RGS6: variants seen among roughly 807,000 people sequenced by gnomAD.
RGS6 encodes the protein regulator of G protein signaling 6, also known as regulator of G-protein signaling 6.
Under a neutral mutation model 78.5 loss-of-function variants are expected in RGS6, and 30 were observed. The observed-to-expected ratio is 0.38, with a 90% CI of 0.29 to 0.52. The LOEUF (loss-of-function observed/expected upper bound fraction) is 0.52. Among genes scored for constraint, RGS6 ranks in the 20% least tolerant of loss-of-function variants. The probability of loss-of-function intolerance (pLI) is 0.85; values close to 1 mark genes in which losing one functional copy is unlikely to be tolerated. For missense variants in RGS6, 495 were observed against 609.7 expected, an observed-to-expected ratio of 0.81 and a Z score of 1.98; for synonymous variants, 206 against 206.0, an observed-to-expected ratio of 1.00 and a Z score of 0.00.
intron 2 of RGS6, among the ~76,000 whole-genome samples, chr14:72,034,264 C>T (rs2098028): frequency 0.64 from 96,951 of 151,864 alleles, 31,274 homozygotes; most frequent in East Asian, 0.75. Flanking sequence ...AAAGGAAAAG[C>T]TTTCAGTTTT....
At chr14:72,415,061 C>T (rs963384078) in intron 3 of RGS6, among the ~76,000 whole-genome samples, 1 of 152,232 alleles carries the variant, frequency 6.6e-6, no homozygotes, top group African/African-American at 2.4e-5. Flanking sequence ...CTGCTCTCTT[C>T]AAAGCTGTCA....
intron 3 of RGS6, among the ~76,000 whole-genome samples, chr14:72,447,739 G>C (rs867529188): frequency 6.6e-6 from 1 of 152,170 alleles, no homozygotes; most frequent in African/African-American, 2.4e-5. Flanking sequence ...TTTCGCTCTT[G>C]TTTCCCAGGC....
chr14:72,626,360 T>C, the RGS6 span, among the ~76,000 whole-genome samples: 3 of 152,192 alleles, frequency 2.0e-5, no homozygotes, highest in Non-Finnish European at 4.4e-5. Context: ...TCTTCTTATA[T>C]TTCTTTTACA....
intron 2 of RGS6, among the ~76,000 whole-genome samples, chr14:72,276,535 C>T (rs1005085281): frequency 1.3e-5 from 2 of 152,202 alleles, no homozygotes; most frequent in African/African-American, 2.4e-5. Flanking sequence ...ACCCAACTCT[C>T]ATCTTGAATT....
intron 2 of RGS6, among the ~76,000 whole-genome samples, chr14:72,243,537 G>T (rs847255): frequency 0.99 from 150,401 of 152,342 alleles, 74,251 homozygotes; most frequent in East Asian, 1. Flanking sequence ...TACAGGTATT[G>T]ATTGCCTTCC....
At chr14:72,302,926 G>T (rs1010755067) in intron 2 of RGS6, among the ~76,000 whole-genome samples, 2 of 152,206 alleles carry the variant, frequency 1.3e-5, no homozygotes, top group African/African-American at 2.4e-5. Flanking sequence ...CACAAGATCC[G>T]ATGGTTTTAG....
intron 3 of RGS6, among the ~76,000 whole-genome samples, chr14:72,422,627 T>C (rs910937784): frequency 1.3e-5 from 2 of 152,112 alleles, no homozygotes; most frequent in Non-Finnish European, 1.5e-5. Flanking sequence ...CCCTCGTCCT[T>C]GTCCAAGATT....
intron 2 of RGS6, among the ~76,000 whole-genome samples, chr14:72,336,738 C>A (rs187633503): frequency 5.9e-5 from 9 of 152,124 alleles, no homozygotes; most frequent in African/African-American, 2.2e-4. Flanking sequence ...AAGTAACAGA[C>A]AATTATTAAC....
chr14:71,871,871 A>G, the RGS6 span, among the ~76,000 whole-genome samples: 1 of 151,470 alleles, frequency 6.6e-6, no homozygotes, highest in East Asian at 1.9e-4. Context: ...TGTCGAATGA[A>G]TTTTCCTTGA....
At chr14:72,518,119 T>C (rs2096978120) in intron 14 of RGS6, among the ~76,000 whole-genome samples, 1 of 152,256 alleles carries the variant, frequency 6.6e-6, no homozygotes, top group Admixed American at 6.5e-5. Context: ...CCCGTTCTGA[T>C]AACGAGAAGC....
At chr14:71,906,973 G>A in the RGS6 span, among the ~76,000 whole-genome samples, 1 of 152,224 alleles carries the variant, frequency 6.6e-6, no homozygotes, top group Admixed American at 6.5e-5. Context: ...GCTGTACTTA[G>A]ATGTGGAAAT....
intron 13 of RGS6, among the ~76,000 whole-genome samples, chr14:72,505,717 T>C (rs998534760): frequency 6.6e-6 from 1 of 152,198 alleles, no homozygotes; most frequent in African/African-American, 2.4e-5. Context: ...TGTGTGACCT[T>C]GGACAATCTG....
the RGS6 span, among the ~76,000 whole-genome samples, chr14:72,598,873 G>A: frequency 6.6e-6 from 1 of 152,228 alleles, no homozygotes; most frequent in Admixed American, 6.5e-5. Flanking sequence ...CTTAGACTGA[G>A]CCCATTCTGG....
intron 3 of RGS6, among the ~76,000 whole-genome samples, chr14:72,418,537 GA>G (rs751500653): frequency 6.6e-6 from 1 of 152,186 alleles, no homozygotes; most frequent in Non-Finnish European, 1.5e-5. Context: ...AGTAGGATCA[GA>G]AAGATAGAAA....
At chr14:72,192,653 T>A (rs572879019) in intron 2 of RGS6, among the ~76,000 whole-genome samples, 1 of 152,222 alleles carries the variant, frequency 6.6e-6, no homozygotes, top group Non-Finnish European at 1.5e-5. Context: ...ACGTCTCTGC[T>A]CTTAGAGGCT....
chr14:72,100,136 G>A (rs1177854355), intron 2 of RGS6, among the ~76,000 whole-genome samples: 1 of 152,166 alleles, frequency 6.6e-6, no homozygotes, highest in Non-Finnish European at 1.5e-5. Context: ...AGACTTAGAA[G>A]ATAGTAATGG....
At chr14:72,505,191 A>G (rs2096784140) in intron 13 of RGS6, among the ~76,000 whole-genome samples, 1 of 152,172 alleles carries the variant, frequency 6.6e-6, no homozygotes, top group African/African-American at 2.4e-5. Context: ...TCACAGTACG[A>G]ACTTCTGTCT....
At chr14:72,236,009 T>G (rs569688632) in intron 2 of RGS6, among the ~76,000 whole-genome samples, 8 of 152,366 alleles carry the variant, frequency 5.3e-5, no homozygotes, top group African/African-American at 1.9e-4. Context: ...CAAGCAAGAT[T>G]TGTAGACAAT....
At chr14:72,594,325 A>T in the RGS6 span, 1 of 152,036 alleles carries the variant, frequency 6.6e-6, no homozygotes, top group Admixed American at 6.5e-5. Flanking sequence ...ACTCGAACTC[A>T]CCTGTGGGGA....
Sources: allele counts gnomAD v4.1 joint callset (sites outside exome capture counted in the v4.1 genomes callset), GRCh38; gene constraint gnomAD v4.1.1; transcripts MANE v1.5; gene names NCBI Gene and HGNC (gene_info 2026-07-23, HGNC 2026-07-21).